Variants in COPG1 observed in about 807,000 individuals in gnomAD.
COPG1 encodes coat protein complex I subunit gamma 1, also known as coatomer subunit gamma-1.
In COPG1, 29 loss-of-function variants were observed where a neutral mutation model predicts 102.8. The observed-to-expected ratio is 0.28, with a 90% confidence interval of 0.21 to 0.38. COPG1 has a LOEUF of 0.38. COPG1 is among the 10% of genes least tolerant of loss of function. The pLI is 1.00. For synonymous variants in COPG1, 406 were observed against 421.6 expected (o/e 0.96, Z 0.45); for missense variants, 875 against 1,132.7 (o/e 0.77, Z 3.27).
chr3:129,257,361 A>T, intron 8 of COPG1, 109 bp from the exon 9 acceptor site: 1 of 1,143,288 alleles, frequency 8.7e-7, no homozygotes, highest in Non-Finnish European at 1.3e-6. Flanking sequence ...GGTAGCTGCT[A>T]CTGTGCCCAT....
At chr3:129,269,738 A>T (rs1483861043) in intron 18 of COPG1, among the ~76,000 whole-genome samples, 2 of 152,018 alleles carry the variant, frequency 1.3e-5, no homozygotes, top group Middle Eastern at 3.2e-3. Context: ...ATGGATCCTG[A>T]GCTAATTGGG....
chr3:129,268,142 G>A, intron 16 of COPG1, 102 bp downstream of exon 16: 3 of 1,014,728 alleles, frequency 3.0e-6, no homozygotes, highest in Non-Finnish European at 4.5e-6. Context: ...CTCTTGGCTG[G>A]ACTTGCCTGG....
intron 7 of COPG1, 81 bp from the exon 8 acceptor site, chr3:129,255,987 T>G (rs564276867): frequency 3.7e-5 from 46 of 1,260,104 alleles, no homozygotes; most frequent in Non-Finnish European, 5.1e-5. Context: ...GAGCTGTGTC[T>G]GAGGGAAGAC....
chr3:129,263,781 T>C, intron 12 of COPG1, 123 bp from the exon 13 acceptor site: 1 of 780,654 alleles, frequency 1.3e-6, no homozygotes, highest in Non-Finnish European at 2.2e-6. Flanking sequence ...TCTGGTCTCC[T>C]TGCCCTTGTG....
At chr3:129,262,253 AT>A (rs11286295) in intron 12 of COPG1, among the ~76,000 whole-genome samples, 19,507 of 124,728 alleles carry the variant, frequency 0.16, 3,412 homozygotes, top group African/African-American at 0.46. Context: ...ATCTCTACAA[AT>A]TTTTTTTTTT....
chr3:129,272,767 G>T, intron 20 of COPG1, 40 bp from the exon 21 acceptor site: 1 of 1,372,406 alleles, frequency 7.3e-7, no homozygotes, highest in Non-Finnish European at 1.0e-6. Flanking sequence ...TCCCCTGCAG[G>T]CTGGGGACAT....
rs774749716 is a variant in COPG1 at position 129,265,685 on chromosome 3, G to A, written c.1361G>A (p.Arg454His). Residue 454 changes from arginine (R) to histidine (H), a missense_variant, in exon 14 of 24, where the codon CGT becomes CAT. Transcript: ENST00000314797. ...EDCEFTVLAT[R>H]ILHLLGQEGP... ...TGCGAGTTCACAGTGCTGGCCACCC[G>A]TATTCTACATCTCCTGGGCCAGGAG... 5.0e-6 allele frequency: 8 copies of A among 1,614,070 alleles called. No individual in the cohort carries two copies. Among genetic ancestry groups the A allele is most frequent in the South Asian group, 4.4e-5 (4 of 91,088 alleles).
chr3:129,271,629 T>C lies in COPG1; in HGVS notation c.1844-138T>C, dbSNP rs576669208. ...ATGGATATATTCAGGAAATAATGAG[T>C]AGCCAGTTGGGTAAACATATCTATC... On this transcript the variant is annotated intron_variant, in intron 18 of 23. Coordinates refer to ENST00000314797, the MANE Select transcript of COPG1 (RefSeq NM_016128.4). This position sits in a 1 kb window ranked among gnomAD's most constrained non-coding sequence, Gnocchi z 4.7. 11 of 1,007,878 alleles carry C rather than the reference T, an allele frequency of 1.1e-5. No homozygotes were observed. The African/African-American group carries it at 1.6e-4, about 15-fold the overall frequency. The allele number at this position is 1,007,878 out of a possible 1,614,324, so 62.4% of individuals were successfully genotyped here.
chr3:129,249,665 C>G lies in COPG1; in HGVS notation c.-45C>G. ...TGTGGCACCGCTACTCCGTGCCGCG[C>G]CCGTCGAGCATTGCGTTGCTGCATT... On this transcript the variant is annotated 5_prime_UTR_variant, in exon 1 of 24. Coordinates refer to ENST00000314797, the MANE Select transcript of COPG1 (RefSeq NM_016128.4). 2 of 1,549,500 alleles carry G rather than the reference C, an allele frequency of 1.3e-6. No individual in the cohort carries two copies.
In COPG1 at chr3:129,252,301, T is replaced by G; in HGVS notation, c.111T>G (p.Thr37=). 1 of 1,612,006 alleles carries G rather than the reference T, an allele frequency of 6.2e-7. No individual in the cohort carries two copies. Among genetic ancestry groups the G allele is most frequent in the Non-Finnish European group, 8.5e-7 (1 of 1,178,154 alleles). The change falls in exon 3 of 24, where the codon ACT becomes ACG. Residue 37 remains threonine, a synonymous_variant. Coordinates refer to ENST00000314797, the MANE Select transcript of COPG1 (RefSeq NM_016128.4). ...CTTAGGCCCGTGTATTTAATGAAAC[T>G]CCCATCAACCCTCGGAAATGTGCCC... The part of the protein sequence containing the change: ...VLQEARVFNE[T]PINPRKCAHI...
At position 129,272,247 on chromosome 3, in the gene COPG1, G is replaced by A. The variant is rs751021014; in HGVS notation, c.1990G>A (p.Asp664Asn). 2 of 1,613,822 alleles carry A rather than the reference G, an allele frequency of 1.2e-6. No individual in the cohort carries two copies. The highest frequency in any genetic ancestry group is 3.3e-5 in the Admixed American group (2 of 60,016). The change falls in exon 20 of 24, where the codon GAC becomes AAC. Residue 664 changes from aspartate to asparagine, a missense_variant. Coordinates refer to ENST00000314797, the MANE Select transcript of COPG1 (RefSeq NM_016128.4). ...CTCCCCTCTCTTTCCTGTTCAGTTT[G>A]ACTGCACAAACACACTCAATGACCA... ...TFTNHMVFQF[D>N]CTNTLNDQTL...
At chr3:129,253,119 C>T in intron 5 of COPG1, 164 bp downstream of exon 5, 1 of 575,548 alleles carries the variant, frequency 1.7e-6, no homozygotes. Context: ...TCCAGGTGTG[C>T]TGTTTCTATT....
intron 18 of COPG1, among the ~76,000 whole-genome samples, chr3:129,270,528 A>G (rs1303517076): frequency 1.3e-5 from 2 of 152,214 alleles, no homozygotes; most frequent in Non-Finnish European, 2.9e-5. Flanking sequence ...AAATATCAAT[A>G]GAAAAGCACT....
intron 2 of COPG1, among the ~76,000 whole-genome samples, chr3:129,251,839 C>G (rs753932523): frequency 4.0e-5 from 6 of 151,850 alleles, no homozygotes; most frequent in Non-Finnish European, 8.8e-5. Context: ...AGGTGCCCAC[C>G]ACCATGCCTG....
intron 8 of COPG1, among the ~76,000 whole-genome samples, chr3:129,257,134 T>G (rs1390876596): frequency 6.6e-6 from 1 of 152,198 alleles, no homozygotes; most frequent in Non-Finnish European, 1.5e-5. Context: ...CTTCTCTCTC[T>G]CATTGTCTGA....
At chr3:129,264,114 G>A (rs1462274746) in intron 13 of COPG1, 115 bp downstream of exon 13, 3 of 829,088 alleles carry the variant, frequency 3.6e-6, no homozygotes, top group Non-Finnish European at 6.1e-6. Context: ...TAACCAACTG[G>A]TTTTCATGGT....
chr3:129,254,363 C>T (rs1026631192), intron 5 of COPG1: 8 of 299,244 alleles, frequency 2.7e-5, no homozygotes, highest in Non-Finnish European at 5.0e-5. Flanking sequence ...GGAAACAGCA[C>T]ATGCAAAGGC....
In COPG1 at chr3:129,275,605, T is replaced by C. The variant is rs998236980; in HGVS notation, c.2494+313T>C. Among the ~76,000 whole-genome samples the C allele has an allele frequency of 3.9e-5, 6 of 152,182 alleles. No homozygotes were observed. Among genetic ancestry groups the C allele is most frequent in the Non-Finnish European group, 7.3e-5 (5 of 68,042 alleles). ...AACTCAAATGTTTATGTACAAATGG[T>C]ATATATATTGTCCTCCGATTTGCTT... is the stretch of plus-strand genomic sequence containing the variant. On this transcript the variant is annotated intron_variant, in intron 23 of 23. Transcript: ENST00000314797. The surrounding 1 kb of genome is among the most constrained non-coding windows in gnomAD (Gnocchi z 5.0).
chr3:129,260,823 A>G lies in COPG1; in HGVS notation c.1128+16A>G. On this transcript the variant is annotated intron_variant, in intron 12 of 23. Coordinates refer to ENST00000314797, the MANE Select transcript of COPG1 (RefSeq NM_016128.4). ...TGAATTCAAGGTACCTGCTACCCCC[A>G]GGACACCCACGGCCCCCAGAGGAAG... 1 of 1,610,690 alleles carries G rather than the reference A, an allele frequency of 6.2e-7. No individual in the cohort carries two copies. Among genetic ancestry groups the G allele is most frequent in the Non-Finnish European group, 8.5e-7 (1 of 1,179,042 alleles).
Sources: gnomAD v4.1 joint callset for allele counts (sites outside exome capture counted in the v4.1 genomes callset) on GRCh38, gnomAD v4.1.1 for gene constraint, Gnocchi (gnomAD v3.1) non-coding constraint, MANE v1.5 for transcripts, NCBI Gene and HGNC (gene_info 2026-07-23, HGNC 2026-07-21) for gene names.